The following NFIB variants were observed in gnomAD, a reference collection of about 807,000 sequenced individuals.
NFIB encodes nuclear factor 1 B-type.
NFIB carries 11 observed loss-of-function variants against 61.5 expected under a neutral mutation model. The ratio of observed to expected loss-of-function variants is 0.18; its 90% confidence interval spans 0.11 to 0.30. NFIB has a LOEUF of 0.30. Ranked by LOEUF, NFIB falls within the 10% of genes least tolerant of loss-of-function variation. The probability of loss-of-function intolerance (pLI) is 1.00; values close to 1 mark genes in which losing one functional copy is unlikely to be tolerated. For synonymous variants in NFIB, 260 were observed against 216.5 expected, an observed-to-expected ratio of 1.20 and a Z score of -1.76; for missense variants, 471 against 608.9, an observed-to-expected ratio of 0.77 and a Z score of 2.38.
intron 1 of NFIB, among the ~76,000 whole-genome samples, chr9:14,368,466 C>A (rs1346676706): frequency 1.3e-5 from 2 of 152,186 alleles, no homozygotes; most frequent in East Asian, 3.9e-4. Flanking sequence ...AACTCTGTAG[C>A]TACGGACAGG....
At chr9:14,230,750 G>A (rs2053027372) in intron 2 of NFIB, among the ~76,000 whole-genome samples, 1 of 152,142 alleles carries the variant, frequency 6.6e-6, no homozygotes, top group South Asian at 2.1e-4. Context: ...TACAGACGAT[G>A]AGGCAGAAGT....
At chr9:14,202,503 T>G (rs554097816) in intron 2 of NFIB, among the ~76,000 whole-genome samples, 2 of 152,292 alleles carry the variant, frequency 1.3e-5, no homozygotes, top group Admixed American at 6.5e-5. Context: ...CCACACTACA[T>G]GAAAGTCTCA....
chr9:14,133,737 A>G (rs143096309), intron 6 of NFIB, among the ~76,000 whole-genome samples: 3 of 152,344 alleles, frequency 2.0e-5, no homozygotes, highest in African/African-American at 7.2e-5. Context: ...ATGTAGAATA[A>G]GACAACTATT....
chr9:14,427,008 G>A, the NFIB span, among the ~76,000 whole-genome samples: 1 of 152,122 alleles, frequency 6.6e-6, no homozygotes, highest in South Asian at 2.1e-4. Flanking sequence ...CTCTGGAAAG[G>A]GACTACTCCA....
intron 2 of NFIB, among the ~76,000 whole-genome samples, chr9:14,297,658 T>C (rs1489950207): frequency 6.6e-6 from 1 of 152,244 alleles, no homozygotes; most frequent in Non-Finnish European, 1.5e-5. Context: ...TGTCAGTGTA[T>C]CTACACACAT....
rs1382881924 is a variant in NFIB, at chr9:14,146,722, C to T, written c.892G>A (p.Ala298Thr). ...CTTTCGTGCCATGTTCGACTTCCAG[C>T]AGCTGGTGAACTTGGAGAGGGGTAA... is the stretch of plus-strand genomic sequence containing the variant. ...DFYPSPSSPAAGSRTWHERDQ... is the reference protein window; with the variant it reads ...DFYPSPSSPATGSRTWHERDQ... The change falls in exon 6 of 11, where the codon GCT becomes ACT. Residue 298 changes from alanine to threonine, a missense_variant. Physicochemically the swap from Ala to Thr is moderately conservative, Grantham distance 58 (BLOSUM62 0). Around this residue, in one of 2 missense-constraint regions of NFIB, gnomAD observed 372 missense variants for 395.6 expected, o/e 0.94. Transcript: ENST00000380953. The T allele has an allele frequency of 1.9e-5, 31 of 1,612,612 alleles. No individual in the cohort carries two copies. The highest frequency in any genetic ancestry group is 2.6e-5 in the Non-Finnish European group (31 of 1,179,458).
At chr9:14,199,444 G>T (rs528198008) in intron 2 of NFIB, among the ~76,000 whole-genome samples, 3 of 152,172 alleles carry the variant, frequency 2.0e-5, no homozygotes, top group Non-Finnish European at 2.9e-5. Flanking sequence ...AAGTTAAATG[G>T]CCTGCCAGAC....
rs1049873075 is a variant in NFIB at position 14,120,903 on chromosome 9, T to C, written c.1061-279A>G. On this transcript the variant is annotated intron_variant, in intron 7 of 10. Transcript: ENST00000380953. This position sits in a 1 kb window ranked among gnomAD's most constrained non-coding sequence, Gnocchi z 4.4. ...AAATCAGTTTCTCTTTTATAGGTTA[T>C]GTCAATACTTGATAAAACACTTCTT... Among the ~76,000 whole-genome samples, 3 of 152,222 alleles carry C rather than the reference T, an allele frequency of 2.0e-5. No individual in the cohort carries two copies. The highest frequency in any genetic ancestry group is 7.2e-5 in the African/African-American group (3 of 41,460).
intron 2 of NFIB, among the ~76,000 whole-genome samples, chr9:14,252,322 T>C (rs751781687): frequency 2.0e-5 from 3 of 152,198 alleles, no homozygotes; most frequent in African/African-American, 7.2e-5. Context: ...GCACTTTGCA[T>C]TTATTTATAT....
chr9:14,517,425 C>T, the NFIB span, among the ~76,000 whole-genome samples: 1 of 152,216 alleles, frequency 6.6e-6, no homozygotes. Flanking sequence ...AGATGGAATG[C>T]TGCTGATAAG....
the NFIB span, among the ~76,000 whole-genome samples, chr9:14,515,703 C>T: frequency 1.3e-5 from 2 of 152,188 alleles, no homozygotes; most frequent in African/African-American, 4.8e-5. Context: ...CTTGAATGAG[C>T]CTATGCATAT....
the NFIB span, among the ~76,000 whole-genome samples, chr9:14,499,723 T>G: frequency 6.6e-6 from 1 of 152,014 alleles, no homozygotes; most frequent in Non-Finnish European, 1.5e-5. Context: ...ATCTTTTGAG[T>G]GCAAATCTCA....
At chr9:14,299,421 A>G (rs951242481) in intron 2 of NFIB, among the ~76,000 whole-genome samples, 1 of 152,242 alleles carries the variant, frequency 6.6e-6, no homozygotes, top group African/African-American at 2.4e-5. Flanking sequence ...TATTAAGTTG[A>G]CTATTTTGAG....
At chr9:14,353,602 C>T (rs1286866337) in intron 1 of NFIB, among the ~76,000 whole-genome samples, 1 of 152,116 alleles carries the variant, frequency 6.6e-6, no homozygotes, top group Non-Finnish European at 1.5e-5. Context: ...TCTTGACGGC[C>T]CAGTCTGGCT....
chr9:14,214,141 C>T lies in NFIB; in HGVS notation c.563-34361G>A, dbSNP rs144036934. ...CCATTAATTCCCCTTCCTGAAGAAG[C>T]GACAGAGATAAGGAAAGCCCAAAGA... is the stretch of plus-strand genomic sequence containing the variant. On this transcript the variant is annotated intron_variant, in intron 2 of 10. Coordinates refer to ENST00000380953, the MANE Select transcript of NFIB (RefSeq NM_001190737.2). 7.4e-3 allele frequency among the ~76,000 whole-genome samples: 1,134 copies of T among 152,228 alleles called. 12 individuals carry two copies. Among genetic ancestry groups the T allele is most frequent in the Middle Eastern group, 0.02 (6 of 294 alleles).
intron 2 of NFIB, among the ~76,000 whole-genome samples, chr9:14,294,189 G>A (rs2059277099): frequency 6.6e-6 from 1 of 152,240 alleles, no homozygotes; most frequent in Non-Finnish European, 1.5e-5. Flanking sequence ...TGTAAGACCA[G>A]TGATCCTCAT....
chr9:14,188,039 T>C (rs779537783), intron 2 of NFIB, among the ~76,000 whole-genome samples: 18 of 152,174 alleles, frequency 1.2e-4, no homozygotes, highest in Non-Finnish European at 2.5e-4. Context: ...GATCTAGGGA[T>C]TGAGTGAACC....
At chr9:14,514,301 C>T in the NFIB span, among the ~76,000 whole-genome samples, 227 of 130,370 alleles carry the variant, frequency 1.7e-3, no homozygotes, top group African/African-American at 6.3e-3. Context: ...ATCTTTGGAA[C>T]ACACACATAC....
the NFIB span, among the ~76,000 whole-genome samples, chr9:14,458,554 T>C: frequency 2.6e-5 from 4 of 152,132 alleles, no homozygotes; most frequent in African/African-American, 9.7e-5. Flanking sequence ...AGGCATTCAA[T>C]TAGGAAAAGA....
Sources: gnomAD v4.1 joint callset for allele counts (sites outside exome capture counted in the v4.1 genomes callset) on GRCh38, gnomAD v4.1.1 for gene constraint, gnomAD v4.1.1 regional missense constraint, Gnocchi (gnomAD v3.1) non-coding constraint, MANE v1.5 for transcripts, NCBI Gene and HGNC (gene_info 2026-07-23, HGNC 2026-07-21) for gene names.